Variants in STYK1 observed in about 807,000 individuals in gnomAD.
The protein encoded by STYK1 is STY kinase 1.
STYK1 carries 46 observed loss-of-function variants against 48.1 expected under a neutral mutation model. The ratio of observed to expected loss-of-function variants is 0.96; its 90% confidence interval spans 0.75 to 1.22. The LOEUF (loss-of-function observed/expected upper bound fraction) is 1.22. Ranked by LOEUF, STYK1 falls within the 50% of genes most tolerant of loss-of-function variation. The pLI is 0.00. For synonymous variants in STYK1, 188 were observed against 189.0 expected, an observed-to-expected ratio of 0.99 and a Z score of 0.04; for missense variants, 527 against 521.1, an observed-to-expected ratio of 1.01 and a Z score of -0.11.
intron 1 of STYK1, among the ~76,000 whole-genome samples, chr12:10,637,946 C>T (rs1420866594): frequency 6.6e-6 from 1 of 152,160 alleles, no homozygotes; most frequent in African/African-American, 2.4e-5. Context: ...ACACTTCTGG[C>T]CAAGATTCCT....
chr12:10,652,285 C>T (rs1947670676), intron 1 of STYK1, among the ~76,000 whole-genome samples: 1 of 152,164 alleles, frequency 6.6e-6, no homozygotes, highest in Non-Finnish European at 1.5e-5. Flanking sequence ...TCTCCCCCTC[C>T]TCCCTTCATT....
At chr12:10,657,456 G>A (rs1947731469) in intron 1 of STYK1, among the ~76,000 whole-genome samples, 1 of 152,168 alleles carries the variant, frequency 6.6e-6, no homozygotes, top group Non-Finnish European at 1.5e-5. Context: ...AAACTGTAAT[G>A]CTTTTTAGTT....
chr12:10,631,137 A>G lies in STYK1; in HGVS notation c.359T>C (p.Ile120Thr). The change falls in exon 5 of 11, where the codon ATT becomes ACT. Residue 120 changes from isoleucine (I) to threonine (T), a missense_variant. Ile to Thr is a moderately conservative substitution (Grantham distance 89, BLOSUM62 -1). Coordinates refer to ENST00000075503, the MANE Select transcript of STYK1 (RefSeq NM_018423.3). ...GATGGGCCCACAGCTACCACTGCAA[A>G]TCTGCTCCAGAACTTCAGAGAGTTG... is the stretch of plus-strand genomic sequence containing the variant. ...REQLSEVLEQICSGSCGPIFR... is the reference protein window; with the variant it reads ...REQLSEVLEQTCSGSCGPIFR... The G allele has an allele frequency of 6.2e-7, 1 of 1,614,150 alleles. No individual in the cohort carries two copies.
intron 1 of STYK1, among the ~76,000 whole-genome samples, chr12:10,660,660 G>C (rs12372389): frequency 0.54 from 78,617 of 145,296 alleles, 22,428 homozygotes; most frequent in East Asian, 0.79. Flanking sequence ...AAAGAAGCAA[G>C]CCAAAACCCA....
intron 7 of STYK1, among the ~76,000 whole-genome samples, 180 bp from the exon 8 acceptor site, chr12:10,625,039 G>A (rs1947340415): frequency 6.6e-6 from 1 of 152,168 alleles, no homozygotes; most frequent in Non-Finnish European, 1.5e-5. Context: ...TCTGCATTGT[G>A]TTTAGGATTA....
Position 10,673,318 on chromosome 12 carries a change from A to G in STYK1, c.-195+648T>C, listed in dbSNP as rs1461689389. ...CTTGAACCTGGGAGGCGGAGGTTGC[A>G]GTGAACCGAGATCGCGCCATTGCAC... is the stretch of plus-strand genomic sequence containing the variant. On this transcript the variant is annotated intron_variant, in intron 1 of 10. Transcript: ENST00000075503. 2.0e-5 allele frequency among the ~76,000 whole-genome samples: 3 copies of G among 152,190 alleles called. 1 individual carries two copies. Among genetic ancestry groups the G allele is most frequent in the Middle Eastern group, 6.8e-3 (2 of 292 alleles).
At chr12:10,621,693 T>C (rs373133383) in intron 10 of STYK1, among the ~76,000 whole-genome samples, 183 bp downstream of exon 10, 14 of 151,836 alleles carry the variant, frequency 9.2e-5, no homozygotes, top group Non-Finnish European at 4.4e-5. Context: ...TATGTATATA[T>C]AATATATATG....
intron 1 of STYK1, among the ~76,000 whole-genome samples, chr12:10,666,200 CAG>C (rs1017267003): frequency 5.9e-5 from 9 of 152,298 alleles, no homozygotes; most frequent in African/African-American, 2.2e-4. Flanking sequence ...TCTGACTTAA[CAG>C]AGACTTTGGA....
chr12:10,635,170 G>A (rs1476911297), intron 2 of STYK1, among the ~76,000 whole-genome samples: 1 of 152,164 alleles, frequency 6.6e-6, no homozygotes, highest in African/African-American at 2.4e-5. Context: ...AGGCTTGAGT[G>A]CAGTGGTGTG....
intron 1 of STYK1, among the ~76,000 whole-genome samples, chr12:10,651,560 T>C (rs1226290226): frequency 6.6e-6 from 1 of 152,206 alleles, no homozygotes; most frequent in Non-Finnish European, 1.5e-5. Context: ...GCAGTAGCTG[T>C]TACTAATTAT....
intron 1 of STYK1, among the ~76,000 whole-genome samples, chr12:10,663,351 G>A (rs71451793): frequency 1.3e-5 from 2 of 152,036 alleles, no homozygotes; most frequent in Admixed American, 1.3e-4. Context: ...GGTGGCTCAC[G>A]CCTGTTATCC....
chr12:10,650,752 G>T (rs1044682745), intron 1 of STYK1, among the ~76,000 whole-genome samples: 1 of 152,162 alleles, frequency 6.6e-6, no homozygotes, highest in African/African-American at 2.4e-5. Flanking sequence ...TGTAATTCCA[G>T]TACTTTGGGA....
intron 1 of STYK1, among the ~76,000 whole-genome samples, chr12:10,646,535 A>G (rs545808022): frequency 1.3e-5 from 2 of 152,338 alleles, no homozygotes; most frequent in Non-Finnish European, 2.9e-5. Context: ...TAAGGGAAAC[A>G]GAGCACAAAA....
At position 10,668,122 on chromosome 12, in the gene STYK1, CT is replaced by C. The variant is rs112761726; in HGVS notation, c.-195+5843del. 9.9e-4 allele frequency among the ~76,000 whole-genome samples: 147 copies of C among 149,052 alleles called. 2 individuals are homozygous for C. Among genetic ancestry groups the C allele is most frequent in the Middle Eastern group, 3.4e-3 (1 of 292 alleles). ...TTCTGAGAAGTTCAACAATAAAATA[CT>C]TTTTTTTTTAACCTGGAAGAATCTC... On this transcript the variant is annotated intron_variant, in intron 1 of 10. Coordinates refer to ENST00000075503, the MANE Select transcript of STYK1 (RefSeq NM_018423.3).
intron 1 of STYK1, among the ~76,000 whole-genome samples, chr12:10,659,662 C>T (rs945578308): frequency 6.6e-6 from 1 of 152,078 alleles, no homozygotes; most frequent in Non-Finnish European, 1.5e-5. Flanking sequence ...CATGGCTGAG[C>T]TCAAGGAGTT....
chr12:10,671,477 A>C (rs1374537105), intron 1 of STYK1, among the ~76,000 whole-genome samples: 3 of 152,290 alleles, frequency 2.0e-5, no homozygotes, highest in African/African-American at 7.2e-5. Context: ...GAAACACTTT[A>C]CCGGCCATTC....
intron 1 of STYK1, among the ~76,000 whole-genome samples, chr12:10,650,883 T>C (rs1947655859): frequency 6.6e-6 from 1 of 151,844 alleles, no homozygotes; most frequent in African/African-American, 2.4e-5. Context: ...CACACACCTG[T>C]AGTCTCAGCT....
intron 1 of STYK1, among the ~76,000 whole-genome samples, chr12:10,655,723 AG>A (rs1279881587): frequency 2.6e-5 from 4 of 152,200 alleles, no homozygotes; most frequent in African/African-American, 9.7e-5. Flanking sequence ...CCTTAGTGAA[AG>A]CTTACTGGTT....
At chr12:10,664,898 A>G (rs1947818193) in intron 1 of STYK1, among the ~76,000 whole-genome samples, 1 of 152,224 alleles carries the variant, frequency 6.6e-6, no homozygotes, top group African/African-American at 2.4e-5. Flanking sequence ...AAATCATTTC[A>G]TAATAATTCA....
Sources: allele counts gnomAD v4.1 joint callset (sites outside exome capture counted in the v4.1 genomes callset), GRCh38; gene constraint gnomAD v4.1.1; transcripts MANE v1.5; gene names NCBI Gene and HGNC (gene_info 2026-07-23, HGNC 2026-07-21).